AK5: variants seen among roughly 807,000 people sequenced by gnomAD.
The protein encoded by AK5 is adenylate kinase 5, also known as adenylate kinase isoenzyme 5.
AK5 carries 27 observed loss-of-function variants against 69.5 expected under a neutral mutation model. That is an observed-to-expected ratio of 0.39 (90% CI 0.29 to 0.54). The LOEUF is 0.54. Ranked by LOEUF, AK5 falls within the 20% of genes least tolerant of loss-of-function variation. AK5 has a pLI of 0.71. For missense variants in AK5, 531 were observed against 700.4 expected (o/e 0.76, Z 2.73); for synonymous variants, 260 against 244.4 (o/e 1.06, Z -0.60).
chr1:77,471,726 C>A (rs1342947450), intron 8 of AK5, among the ~76,000 whole-genome samples: 1 of 152,152 alleles, frequency 6.6e-6, no homozygotes, highest in Admixed American at 6.5e-5. Context: ...CACCCCACAG[C>A]AAATTAAATT....
At chr1:77,501,182 G>A (rs1656697082) in intron 10 of AK5, among the ~76,000 whole-genome samples, 1 of 152,214 alleles carries the variant, frequency 6.6e-6, no homozygotes, top group Non-Finnish European at 1.5e-5. Context: ...CAGCAGTAGG[G>A]CTATGCCCCT....
chr1:77,488,349 C>T (rs1194201862), intron 10 of AK5, among the ~76,000 whole-genome samples: 1 of 152,108 alleles, frequency 6.6e-6, no homozygotes, highest in Admixed American at 6.5e-5. Context: ...TACTAAAATT[C>T]CCTTTTCCAC....
intron 13 of AK5, among the ~76,000 whole-genome samples, chr1:77,542,417 A>AC (rs1659327147): frequency 6.6e-6 from 1 of 152,180 alleles, no homozygotes; most frequent in Non-Finnish European, 1.5e-5. Context: ...GGGAGTGAGC[A>AC]CTGTGGGCAG....
intron 8 of AK5, among the ~76,000 whole-genome samples, chr1:77,427,916 T>C (rs1238335290): frequency 6.6e-6 from 1 of 152,216 alleles, no homozygotes; most frequent in African/African-American, 2.4e-5. Context: ...TAAATAAAAG[T>C]GTCCTTGTTC....
chr1:77,306,859 T>G (rs1453109417), intron 5 of AK5, among the ~76,000 whole-genome samples: 1 of 152,166 alleles, frequency 6.6e-6, no homozygotes, highest in African/African-American at 2.4e-5. Flanking sequence ...TCTTCTAGAT[T>G]TCCCAATTTA....
At chr1:77,381,063 G>T (rs1220152573) in intron 6 of AK5, among the ~76,000 whole-genome samples, 2 of 152,154 alleles carry the variant, frequency 1.3e-5, no homozygotes, top group African/African-American at 4.8e-5. Flanking sequence ...ATTCATTTTA[G>T]CACATGCTAT....
intron 8 of AK5, among the ~76,000 whole-genome samples, chr1:77,454,296 A>C (rs1200960674): frequency 6.6e-6 from 1 of 152,070 alleles, no homozygotes; most frequent in Non-Finnish European, 1.5e-5. Flanking sequence ...GTGTTGGCTC[A>C]TTCCACTCCC....
rs1199746973 is a variant in AK5 at position 77,391,412 on chromosome 1, C to CAT, written c.892-19562_892-19561dup. ...AAAAATATATATATATATACACACA[C>CAT]ATATATATGTATATATATACATATA... On this transcript the variant is annotated intron_variant, in intron 6 of 13. Transcript: ENST00000354567. Among the ~76,000 whole-genome samples, 983 of 131,108 alleles carry CAT rather than the reference C, an allele frequency of 7.5e-3. 6 individuals carry two copies. Among genetic ancestry groups the CAT allele is most frequent in the South Asian group, 0.03 (122 of 4,038 alleles). The allele number at this position is 131,108 out of a possible 152,430, so 86.0% of individuals were successfully genotyped here.
At chr1:77,317,369 T>A (rs1168789596) in intron 5 of AK5, among the ~76,000 whole-genome samples, 1 of 152,118 alleles carries the variant, frequency 6.6e-6, no homozygotes, top group Admixed American at 6.5e-5. Flanking sequence ...TTCTATTTGT[T>A]AAGAATGAGC....
chr1:77,366,638 T>C lies in AK5; in HGVS notation c.891+26070T>C, dbSNP rs1646954969. On this transcript the variant is annotated intron_variant, in intron 6 of 13. Coordinates refer to ENST00000354567, the MANE Select transcript of AK5 (RefSeq NM_174858.3). ...CACCAAAGTGTATGGTATCAAGTTA[T>C]TCATACTCAGCTGCCTTATTTTTGA... 3.3e-5 allele frequency among the ~76,000 whole-genome samples: 5 copies of C among 152,296 alleles called. No individual in the cohort carries two copies. In the South Asian group the frequency reaches 1.0e-3, roughly 32 times the overall value.
At chr1:77,374,191 A>G (rs1647181395) in intron 6 of AK5, among the ~76,000 whole-genome samples, 2 of 152,144 alleles carry the variant, frequency 1.3e-5, no homozygotes, top group South Asian at 2.1e-4. Flanking sequence ...AATTTGCACC[A>G]TTCTCAATAC....
intron 10 of AK5, among the ~76,000 whole-genome samples, chr1:77,508,404 A>G (rs973538994): frequency 6.6e-6 from 1 of 152,170 alleles, no homozygotes; most frequent in African/African-American, 2.4e-5. Flanking sequence ...TCTGGTAACC[A>G]TGCTGATGGA....
intron 5 of AK5, among the ~76,000 whole-genome samples, chr1:77,334,639 G>T (rs182142068): frequency 8.6e-5 from 13 of 151,760 alleles, no homozygotes; most frequent in Admixed American, 7.9e-4. Context: ...CTTCATTCTG[G>T]ATTATTTTCT....
At chr1:77,411,635 G>T (rs114815814) in intron 7 of AK5, among the ~76,000 whole-genome samples, 48 of 152,210 alleles carry the variant, frequency 3.2e-4, no homozygotes, top group African/African-American at 1.1e-3. Context: ...TCCGTACTCT[G>T]ACCCTGAGCC....
chr1:77,555,938 T>C (rs950654096), intron 13 of AK5, among the ~76,000 whole-genome samples: 6 of 152,236 alleles, frequency 3.9e-5, no homozygotes, highest in Admixed American at 2.6e-4. Context: ...AGCAAGGTGC[T>C]GTGGGGGCCA....
intron 10 of AK5, among the ~76,000 whole-genome samples, chr1:77,512,742 T>C (rs531973974): frequency 8.3e-4 from 126 of 152,198 alleles, no homozygotes; most frequent in Admixed American, 1.9e-3. Flanking sequence ...CTATTCACAA[T>C]AGCAAAGACT....
intron 6 of AK5, among the ~76,000 whole-genome samples, chr1:77,390,057 G>A (rs1648319501): frequency 6.6e-6 from 1 of 152,154 alleles, no homozygotes; most frequent in African/African-American, 2.4e-5. Context: ...AGTGAGAAGA[G>A]GGTCTCAGCT....
intron 5 of AK5, among the ~76,000 whole-genome samples, chr1:77,317,125 G>A (rs1660284568): frequency 6.6e-6 from 1 of 152,188 alleles, no homozygotes; most frequent in African/African-American, 2.4e-5. Flanking sequence ...TAATCTCAAA[G>A]TCTTCTCAAT....
At chr1:77,436,730 T>C (rs555805218) in intron 8 of AK5, among the ~76,000 whole-genome samples, 2 of 152,132 alleles carry the variant, frequency 1.3e-5, no homozygotes, top group East Asian at 3.9e-4. Flanking sequence ...CCTAATTTGT[T>C]TATTTTTAAC....
Sources: gnomAD v4.1 joint callset for allele counts (sites outside exome capture counted in the v4.1 genomes callset) on GRCh38, gnomAD v4.1.1 for gene constraint, MANE v1.5 for transcripts, NCBI Gene and HGNC (gene_info 2026-07-23, HGNC 2026-07-21) for gene names.